Variants in KCNB2 observed in about 807,000 individuals in gnomAD.
KCNB2 encodes the protein delayed rectifier potassium channel protein.
A neutral mutation model predicts 61.5 loss-of-function variants in KCNB2; 15 were observed. That is an observed-to-expected ratio of 0.24 (90% CI 0.16 to 0.38). KCNB2 has a LOEUF of 0.38. KCNB2 is among the 10% of genes least tolerant of loss of function. The pLI, the probability that KCNB2 is intolerant of heterozygous loss-of-function variation, is 1.00. For missense variants in KCNB2, 828 were observed against 1,125.2 expected, an observed-to-expected ratio of 0.74 and a Z score of 3.78; for synonymous variants, 457 against 446.0, an observed-to-expected ratio of 1.02 and a Z score of -0.31.
chr8:72,694,314 T>C (rs1563561785), intron 2 of KCNB2, among the ~76,000 whole-genome samples: 1 of 152,210 alleles, frequency 6.6e-6, no homozygotes, highest in Non-Finnish European at 1.5e-5. Context: ...CTCACAAATA[T>C]ATCCCTTTCT....
intron 2 of KCNB2, among the ~76,000 whole-genome samples, chr8:72,685,858 G>A (rs1288446784): frequency 6.6e-5 from 10 of 152,246 alleles, no homozygotes; most frequent in Admixed American, 1.3e-4. Context: ...GCGTGGTGGC[G>A]CATGCCTGTA....
chr8:72,539,747 A>G (rs1806164132), intron 1 of KCNB2, among the ~76,000 whole-genome samples: 1 of 152,074 alleles, frequency 6.6e-6, no homozygotes, highest in Admixed American at 6.5e-5. Context: ...CGTTGAAACT[A>G]TTTTGCATTT....
intron 1 of KCNB2, among the ~76,000 whole-genome samples, chr8:72,549,305 G>A (rs1806308264): frequency 6.6e-6 from 1 of 152,180 alleles, no homozygotes; most frequent in East Asian, 1.9e-4. Context: ...TCAATGTTAG[G>A]ATAATGCTAG....
At chr8:72,732,288 A>C (rs1182260377) in intron 2 of KCNB2, among the ~76,000 whole-genome samples, 1 of 152,184 alleles carries the variant, frequency 6.6e-6, no homozygotes, top group Non-Finnish European at 1.5e-5. Context: ...AGAACCTGTG[A>C]GCACTACAGT....
chr8:72,757,069 A>G (rs1808301975), intron 2 of KCNB2, among the ~76,000 whole-genome samples: 1 of 152,136 alleles, frequency 6.6e-6, no homozygotes, highest in Non-Finnish European at 1.5e-5. Context: ...AGATTATCTT[A>G]GGAGAGCAAG....
chr8:72,685,755 C>T (rs1249139384), intron 2 of KCNB2, among the ~76,000 whole-genome samples: 3 of 152,086 alleles, frequency 2.0e-5, no homozygotes, highest in Admixed American at 1.3e-4. Context: ...TTTGGGAGGC[C>T]GAGGCAGGCA....
chr8:72,824,392 G>T (rs1344402734), intron 2 of KCNB2, among the ~76,000 whole-genome samples: 1 of 151,982 alleles, frequency 6.6e-6, no homozygotes, highest in Non-Finnish European at 1.5e-5. Context: ...GCTGGGTTCT[G>T]CCCCCTACAG....
rs146530934 is a variant in KCNB2 at position 72,568,088 on chromosome 8, G to T, written c.354G>T (p.Ser118=). Reference sequence around the variant, plus strand: ...TGATGGAAGAAATGTGTGCACTTTCGTTTGGCCAAGAACTTGATTACTGGG... The same window carrying T: ...TGATGGAAGAAATGTGTGCACTTTCTTTTGGCCAAGAACTTGATTACTGGG... The part of the protein sequence containing the change: ...LHMMEEMCAL[S]FGQELDYWGI... The change falls in exon 2 of 3, where the codon TCG becomes TCT. Residue 118 remains serine, a synonymous_variant. Coordinates refer to ENST00000523207, the MANE Select transcript of KCNB2 (RefSeq NM_004770.3). The T allele has an allele frequency of 1.2e-6, 2 of 1,614,092 alleles. No homozygotes were observed. The highest frequency in any genetic ancestry group is 1.7e-6 in the Non-Finnish European group (2 of 1,180,020).
intron 2 of KCNB2, among the ~76,000 whole-genome samples, chr8:72,913,089 A>G (rs1043015339): frequency 6.6e-6 from 1 of 152,220 alleles, no homozygotes. Context: ...AGCAAGGCCA[A>G]ACTCAGAGCT....
At chr8:72,776,799 G>A (rs1057449565) in intron 2 of KCNB2, among the ~76,000 whole-genome samples, 4 of 152,100 alleles carry the variant, frequency 2.6e-5, no homozygotes, top group African/African-American at 9.7e-5. Context: ...GACCATCTCC[G>A]GAGCAAAGGT....
chr8:72,697,444 A>G (rs1807035231), intron 2 of KCNB2, among the ~76,000 whole-genome samples: 1 of 152,176 alleles, frequency 6.6e-6, no homozygotes, highest in Non-Finnish European at 1.5e-5. Flanking sequence ...TTACCTAGGG[A>G]GTCATCGCTC....
chr8:72,800,904 C>T (rs1452301635), intron 2 of KCNB2, among the ~76,000 whole-genome samples: 2 of 152,142 alleles, frequency 1.3e-5, no homozygotes, highest in Non-Finnish European at 2.9e-5. Flanking sequence ...AAAACTTCCC[C>T]ATAGGTGCAG....
intron 2 of KCNB2, among the ~76,000 whole-genome samples, chr8:72,598,016 G>A (rs1456235339): frequency 6.6e-6 from 1 of 152,048 alleles, no homozygotes; most frequent in Non-Finnish European, 1.5e-5. Flanking sequence ...CTACCATAAA[G>A]ACACATGCAT....
chr8:72,833,369 A>G (rs548967457), intron 2 of KCNB2, among the ~76,000 whole-genome samples: 3 of 152,154 alleles, frequency 2.0e-5, no homozygotes, highest in Non-Finnish European at 2.9e-5. Flanking sequence ...AGTTTTAGAT[A>G]CCTACTATGA....
At chr8:72,665,486 CAT>C (rs369206092) in intron 2 of KCNB2, among the ~76,000 whole-genome samples, 1 of 150,936 alleles carries the variant, frequency 6.6e-6, no homozygotes, top group Non-Finnish European at 1.5e-5. Flanking sequence ...TTAGAACATC[CAT>C]ATATATATAT....
Position 72,673,628 on chromosome 8 carries a change from A to G in KCNB2, c.579+105315A>G, listed in dbSNP as rs534668936. Among the ~76,000 whole-genome samples, 4 of 152,348 alleles carry G rather than the reference A, an allele frequency of 2.6e-5. No homozygotes were observed. In the South Asian group the frequency reaches 8.3e-4, roughly 32 times the overall value. ...TTATTCAGACTTTAAAAGTCATGAC[A>G]TTCTGTTATGTGCTACAACATGAGT... On this transcript the variant is annotated intron_variant, in intron 2 of 2. Coordinates refer to ENST00000523207, the MANE Select transcript of KCNB2 (RefSeq NM_004770.3).
chr8:72,609,054 G>T (rs1268540086), intron 2 of KCNB2, among the ~76,000 whole-genome samples: 2 of 152,150 alleles, frequency 1.3e-5, no homozygotes, highest in African/African-American at 4.8e-5. Context: ...TTTCATAGAG[G>T]ATTAGAATGA....
At chr8:72,649,785 TG>T (rs1225948088) in intron 2 of KCNB2, among the ~76,000 whole-genome samples, 1 of 152,090 alleles carries the variant, frequency 6.6e-6, no homozygotes, top group Non-Finnish European at 1.5e-5. Context: ...TTTCTCTTTG[TG>T]GGGATTCTGA....
intron 2 of KCNB2, among the ~76,000 whole-genome samples, chr8:72,885,868 G>C (rs1805798934): frequency 6.6e-6 from 1 of 152,058 alleles, no homozygotes; most frequent in South Asian, 2.1e-4. Flanking sequence ...CTACGATAAA[G>C]ACTGTCTCCT....
Sources: allele counts gnomAD v4.1 joint callset (sites outside exome capture counted in the v4.1 genomes callset), GRCh38; gene constraint gnomAD v4.1.1; transcripts MANE v1.5; gene names NCBI Gene and HGNC (gene_info 2026-07-23, HGNC 2026-07-21).